The following GRIN2B variants were observed in gnomAD, a reference collection of about 807,000 sequenced individuals.
The protein encoded by GRIN2B is glutamate receptor ionotropic, NMDA 2B.
A neutral mutation model predicts 114.5 loss-of-function variants in GRIN2B; 5 were observed. The ratio of observed to expected loss-of-function variants is 0.04; its 90% CI spans 0.02 to 0.09. The LOEUF (loss-of-function observed/expected upper bound fraction) is 0.09. Ranked by LOEUF, GRIN2B falls within the 10% of genes least tolerant of loss-of-function variation. The pLI is 1.00. For synonymous variants in GRIN2B, 787 were observed against 745.1 expected (o/e 1.06, Z -0.92); for missense variants, 1,108 against 1,943.5 (o/e 0.57, Z 8.08).
At chr12:13,699,822 T>G (rs1950294062) in intron 4 of GRIN2B, among the ~76,000 whole-genome samples, 2 of 151,716 alleles carry the variant, frequency 1.3e-5, no homozygotes, top group South Asian at 2.1e-4. Context: ...CTCCTGACCT[T>G]GTGATCCGCC....
chr12:13,607,383 TAATATATATTATATATAATATATAAAA>T (rs1949289284), intron 10 of GRIN2B, among the ~76,000 whole-genome samples: 26 of 54,662 alleles, frequency 4.8e-4, no homozygotes, highest in Admixed American at 6.6e-4. Flanking sequence ...ATTATATATA[TAATATATATTATATATAATATATAAAA>T]TATATAATAT....
intron 5 of GRIN2B, among the ~76,000 whole-genome samples, chr12:13,639,716 T>A (rs1458984926): frequency 6.6e-6 from 1 of 152,126 alleles, no homozygotes; most frequent in East Asian, 1.9e-4. Context: ...CTGCTGGGGT[T>A]CCACACTTCT....
chr12:13,897,019 T>G (rs1866365724), intron 2 of GRIN2B, among the ~76,000 whole-genome samples: 2 of 152,178 alleles, frequency 1.3e-5, no homozygotes, highest in Non-Finnish European at 2.9e-5. Context: ...TGATAATGAT[T>G]ATGATGAGGA....
intron 3 of GRIN2B, among the ~76,000 whole-genome samples, chr12:13,808,298 A>G (rs2136681020): frequency 6.6e-6 from 1 of 152,122 alleles, no homozygotes; most frequent in East Asian, 1.9e-4. Context: ...GAACAGAGTT[A>G]AGTAGGACCT....
chr12:13,778,479 G>T (rs928212985), intron 3 of GRIN2B, among the ~76,000 whole-genome samples: 2 of 152,196 alleles, frequency 1.3e-5, no homozygotes, highest in African/African-American at 2.4e-5. Flanking sequence ...AGGGGACAGG[G>T]TCTTGTGGCT....
chr12:13,561,651 G>C lies in GRIN2B; in HGVS notation c.*1132C>G, dbSNP rs1948545482. 1.3e-5 allele frequency: 2 copies of C among 152,622 alleles called. No individual in the cohort carries two copies. Among genetic ancestry groups the C allele is most frequent in the African/African-American group, 4.8e-5 (2 of 41,440 alleles). The allele number at this position is 152,622 out of a possible 1,614,324, so 9.5% of individuals were successfully genotyped here. On this transcript the variant is annotated 3_prime_UTR_variant, in exon 14 of 14. Transcript: ENST00000609686. Reference sequence around the variant, plus strand: ...GTCGAGAGTCTAAATGCTCAAAAGAGCTTTGTAGAATCTTTTGCTCCCAAG... The same window carrying C: ...GTCGAGAGTCTAAATGCTCAAAAGACCTTTGTAGAATCTTTTGCTCCCAAG...
chr12:13,751,761 G>A (rs1200194069), intron 4 of GRIN2B, among the ~76,000 whole-genome samples: 1 of 152,098 alleles, frequency 6.6e-6, no homozygotes, highest in Non-Finnish European at 1.5e-5. Context: ...CAAGGGAGAG[G>A]TTGCAACCAG....
intron 2 of GRIN2B, among the ~76,000 whole-genome samples, chr12:13,885,460 C>G (rs185672774): frequency 3.9e-5 from 6 of 152,106 alleles, no homozygotes; most frequent in Admixed American, 3.9e-4. Context: ...CTAAGAGGAA[C>G]CTTTTCTCCC....
chr12:13,643,430 T>G (rs1244801853), intron 5 of GRIN2B, among the ~76,000 whole-genome samples: 1 of 152,210 alleles, frequency 6.6e-6, no homozygotes, highest in Non-Finnish European at 1.5e-5. Context: ...TAGAAAATGC[T>G]AAGGATCATC....
chr12:13,795,729 A>C (rs958778949), intron 3 of GRIN2B, among the ~76,000 whole-genome samples: 2 of 152,210 alleles, frequency 1.3e-5, no homozygotes, highest in Non-Finnish European at 2.9e-5. Flanking sequence ...TGGCGCATAT[A>C]CACCATGGAA....
At chr12:13,584,847 A>G (rs2136431715) in intron 10 of GRIN2B, among the ~76,000 whole-genome samples, 1 of 152,350 alleles carries the variant, frequency 6.6e-6, no homozygotes, top group East Asian at 1.9e-4. Context: ...TGTGTGTGAC[A>G]GGTGGCCTTC....
intron 2 of GRIN2B, among the ~76,000 whole-genome samples, chr12:13,947,131 G>C (rs925724288): frequency 6.6e-6 from 1 of 152,150 alleles, no homozygotes; most frequent in African/African-American, 2.4e-5. Context: ...ATACTGCTTT[G>C]AAAGTCTTCA....
intron 10 of GRIN2B, among the ~76,000 whole-genome samples, chr12:13,583,508 T>C (rs1948879372): frequency 6.6e-6 from 1 of 152,090 alleles, no homozygotes; most frequent in African/African-American, 2.4e-5. Context: ...TCTATGCAAA[T>C]AGAATGGATG....
intron 5 of GRIN2B, among the ~76,000 whole-genome samples, chr12:13,650,850 T>A (rs61692760): frequency 0.012 from 1,758 of 152,204 alleles, 27 homozygotes; most frequent in African/African-American, 0.04. Flanking sequence ...AAGGCATACA[T>A]TTTTGTCTTT....
intron 5 of GRIN2B, among the ~76,000 whole-genome samples, chr12:13,625,998 AT>A (rs1401351471): frequency 6.6e-6 from 1 of 152,166 alleles, no homozygotes; most frequent in Non-Finnish European, 1.5e-5. Context: ...GAAGTATCTA[AT>A]GCCTCTTGGC....
At chr12:13,841,681 T>C (rs1865380686) in intron 3 of GRIN2B, among the ~76,000 whole-genome samples, 1 of 152,138 alleles carries the variant, frequency 6.6e-6, no homozygotes, top group Non-Finnish European at 1.5e-5. Flanking sequence ...CACCAGTGCT[T>C]CCCAAACACT....
intron 3 of GRIN2B, among the ~76,000 whole-genome samples, chr12:13,784,355 T>C (rs1391805274): frequency 6.7e-6 from 1 of 149,176 alleles, no homozygotes; most frequent in East Asian, 2.0e-4. Flanking sequence ...GTGACTAAAA[T>C]ACGGCAAGTG....
intron 5 of GRIN2B, among the ~76,000 whole-genome samples, chr12:13,643,079 G>T (rs1949734790): frequency 6.6e-6 from 1 of 152,126 alleles, no homozygotes; most frequent in South Asian, 2.1e-4. Flanking sequence ...AGTCTGTGAA[G>T]ACGAAAGTTA....
intron 3 of GRIN2B, among the ~76,000 whole-genome samples, chr12:13,864,139 G>C (rs890853183): frequency 1.3e-5 from 2 of 152,122 alleles, no homozygotes; most frequent in African/African-American, 4.8e-5. Flanking sequence ...ATCTGTACCT[G>C]CACCCACGTA....
Sources: gnomAD v4.1 joint callset for allele counts (sites outside exome capture counted in the v4.1 genomes callset) on GRCh38, gnomAD v4.1.1 for gene constraint, MANE v1.5 for transcripts, NCBI Gene and HGNC (gene_info 2026-07-23, HGNC 2026-07-21) for gene names.